Variants in STK10 observed in about 807,000 individuals in gnomAD.
The protein encoded by STK10 is serine/threonine-protein kinase 10.
Under a neutral mutation model 113.8 loss-of-function variants are expected in STK10, and 78 were observed. The ratio of observed to expected loss-of-function variants is 0.69; its 90% confidence interval spans 0.57 to 0.83. STK10 has a LOEUF of 0.83. Ranked by LOEUF, STK10 falls within the 40% of genes least tolerant of loss-of-function variation. The pLI, the probability that STK10 is intolerant of heterozygous loss-of-function variation, is 0.00. For synonymous variants in STK10, 465 were observed against 494.7 expected, an observed-to-expected ratio of 0.94 and a Z score of 0.80; for missense variants, 1,109 against 1,280.1, an observed-to-expected ratio of 0.87 and a Z score of 2.04.
rs1769496001 is a variant in STK10 at position 172,120,842 on chromosome 5, CAA to C, written c.371-3214_371-3213del. ...ACTGATATAAATGAAATAGGAATGA[CAA>C]AAATACTAATGATGATGATGAAGAT... On this transcript the variant is annotated intron_variant, in intron 3 of 18. Transcript: ENST00000176763. This position sits in a 1 kb window ranked among gnomAD's most constrained non-coding sequence, Gnocchi z 4.0. Among the ~76,000 whole-genome samples the C allele has an allele frequency of 6.6e-6, 1 of 151,994 alleles. No individual in the cohort carries two copies. The highest frequency in any genetic ancestry group is 2.4e-5 in the African/African-American group (1 of 41,374).
intron 7 of STK10, among the ~76,000 whole-genome samples, chr5:172,103,052 C>T (rs947942498): frequency 1.4e-4 from 21 of 152,328 alleles, no homozygotes; most frequent in African/African-American, 5.1e-4. Flanking sequence ...TGAATCACTC[C>T]GCCCAGGGCG....
intron 1 of STK10, among the ~76,000 whole-genome samples, chr5:172,168,921 G>A (rs1039530473): frequency 6.6e-6 from 1 of 152,060 alleles, no homozygotes; most frequent in African/African-American, 2.4e-5. Flanking sequence ...GCTCCTAGCT[G>A]CTGACAAGCT....
rs1285227432 is a variant in STK10 at position 172,150,310 on chromosome 5, G to A, written c.321+6314C>T. ...AGTCTGGCCAACATGGCGAAACCCC[G>A]TCTCTACTAAAAATACAAAAATTAG... On this transcript the variant is annotated intron_variant, in intron 2 of 18. Coordinates refer to ENST00000176763, the MANE Select transcript of STK10 (RefSeq NM_005990.4). Among the ~76,000 whole-genome samples, 5 of 151,320 alleles carry A rather than the reference G, an allele frequency of 3.3e-5. No individual in the cohort carries two copies. The East Asian group carries it at 5.9e-4, about 18-fold the overall frequency.
chr5:172,076,680 T>C (rs559369429), intron 12 of STK10, among the ~76,000 whole-genome samples: 7 of 152,276 alleles, frequency 4.6e-5, no homozygotes, highest in African/African-American at 1.7e-4. Context: ...GTCTTAGAAG[T>C]CCTAGTAAAA....
chr5:172,089,914 T>C (rs1768657863), intron 10 of STK10, among the ~76,000 whole-genome samples: 2 of 151,572 alleles, frequency 1.3e-5, no homozygotes, highest in Non-Finnish European at 2.9e-5. Flanking sequence ...GATGGAAAGT[T>C]GAGTGGGTAG....
chr5:172,077,369 A>C (rs1768334708), intron 12 of STK10, among the ~76,000 whole-genome samples: 1 of 152,198 alleles, frequency 6.6e-6, no homozygotes, highest in South Asian at 2.1e-4. Flanking sequence ...GAGTTCTGGA[A>C]AGATTTCCTT....
chr5:172,062,485 AT>A (rs1340536928), intron 13 of STK10, among the ~76,000 whole-genome samples: 3 of 152,104 alleles, frequency 2.0e-5, no homozygotes, highest in Admixed American at 6.6e-5. Flanking sequence ...CAGTCAAGGG[AT>A]GAAAACAGCC....
Position 172,043,723 on chromosome 5 carries a change from C to G in STK10, c.*1159G>C, listed in dbSNP as rs983895094. 6.6e-6 allele frequency: 1 copy of G among 152,234 alleles called. No homozygotes were observed. The highest frequency in any genetic ancestry group is 1.5e-5 in the Non-Finnish European group (1 of 68,046). The allele number at this position is 152,234 out of a possible 1,614,324, so 9.4% of individuals were successfully genotyped here. ...CCCCGAAGGCCCAGCAGGAGTCCAT[C>G]TGAGGTACAGAACCTGTGCTTCTGC... On this transcript the variant is annotated 3_prime_UTR_variant, in exon 19 of 19. Transcript: ENST00000176763.
intron 12 of STK10, among the ~76,000 whole-genome samples, chr5:172,078,653 A>G (rs1768363370): frequency 6.7e-6 from 1 of 148,192 alleles, no homozygotes; most frequent in East Asian, 2.0e-4. Context: ...AAAAAAAGCC[A>G]AAAGAGCAAA....
chr5:172,124,143 G>T (rs1769572466), intron 3 of STK10, among the ~76,000 whole-genome samples: 1 of 152,072 alleles, frequency 6.6e-6, no homozygotes, highest in Non-Finnish European at 1.5e-5. Context: ...GCCCAGGCTG[G>T]TCTCAAACTC....
At chr5:172,127,231 A>G (rs1326917520) in intron 3 of STK10, 142 bp downstream of exon 3, 3 of 773,240 alleles carry the variant, frequency 3.9e-6, no homozygotes, top group African/African-American at 3.5e-5. Context: ...GACATAGTAG[A>G]GAGGTGCTCA....
Position 172,187,590 on chromosome 5 carries a change from C to T in STK10, c.156+297G>A, listed in dbSNP as rs1472196903. On this transcript the variant is annotated intron_variant, in intron 1 of 18. Coordinates refer to ENST00000176763, the MANE Select transcript of STK10 (RefSeq NM_005990.4). The surrounding 1 kb of genome is among the most constrained non-coding windows in gnomAD (Gnocchi z 4.6). ...GGATGCTGAGGTCCTGTCAACGCCC[C>T]TTTGTCTCCCCGTGCGGCGCCGAGC... Among the ~76,000 whole-genome samples the T allele has an allele frequency of 1.3e-5, 2 of 152,252 alleles. No individual in the cohort carries two copies. Among genetic ancestry groups the T allele is most frequent in the Non-Finnish European group, 2.9e-5 (2 of 68,044 alleles).
chr5:172,172,365 T>C (rs1375020884), intron 1 of STK10, among the ~76,000 whole-genome samples: 2 of 152,192 alleles, frequency 1.3e-5, no homozygotes, highest in African/African-American at 4.8e-5. Context: ...TCCAAAAGCA[T>C]AGGCCTTGAT....
intron 4 of STK10, among the ~76,000 whole-genome samples, chr5:172,109,595 C>G (rs575097865): frequency 6.6e-6 from 1 of 152,232 alleles, no homozygotes; most frequent in Admixed American, 6.5e-5. Flanking sequence ...GCGTGAGGCA[C>G]CAGGACCGGC....
intron 2 of STK10, among the ~76,000 whole-genome samples, chr5:172,147,327 G>C (rs1404524581): frequency 6.6e-6 from 1 of 151,550 alleles, no homozygotes; most frequent in Non-Finnish European, 1.5e-5. Flanking sequence ...CGTGTACAGA[G>C]ACGTGATTGG....
chr5:172,153,703 G>A (rs1280994115), intron 2 of STK10, among the ~76,000 whole-genome samples: 2 of 152,200 alleles, frequency 1.3e-5, no homozygotes, highest in Non-Finnish European at 1.5e-5. Context: ...AAGCCACAGG[G>A]GCCCAGGCCT....
At chr5:172,096,283 C>T (rs1410049590) in intron 8 of STK10, 143 bp downstream of exon 8, 5 of 1,326,492 alleles carry the variant, frequency 3.8e-6, no homozygotes, top group Non-Finnish European at 5.1e-6. Context: ...ACGTTACCTG[C>T]AGCGTGGGAG....
chr5:172,047,427 G>A (rs1231395047), intron 18 of STK10, among the ~76,000 whole-genome samples: 1 of 152,204 alleles, frequency 6.6e-6, no homozygotes, highest in Non-Finnish European at 1.5e-5. Flanking sequence ...AGAACCAGGT[G>A]GACGTTCATT....
chr5:172,102,666 T>G (rs148100544), intron 7 of STK10, among the ~76,000 whole-genome samples: 1 of 152,148 alleles, frequency 6.6e-6, no homozygotes, highest in East Asian at 1.9e-4. Flanking sequence ...GCTGTTGATG[T>G]GTTCAGTGAG....
Sources: allele counts gnomAD v4.1 joint callset (sites outside exome capture counted in the v4.1 genomes callset), GRCh38; gene constraint gnomAD v4.1.1; non-coding constraint Gnocchi (gnomAD v3.1); transcripts MANE v1.5; gene names NCBI Gene and HGNC (gene_info 2026-07-23, HGNC 2026-07-21).